Variants in NFIC observed in about 807,000 individuals in gnomAD.
NFIC encodes nuclear factor 1 C-type.
In NFIC, 12 loss-of-function variants were observed where a neutral mutation model predicts 54.4. That is an observed-to-expected ratio of 0.22 (90% CI 0.14 to 0.36). The LOEUF (loss-of-function observed/expected upper bound fraction) is 0.36, where lower values mean the gene tolerates loss of function less well. NFIC is among the 10% of genes least tolerant of loss of function. NFIC has a pLI of 1.00. For synonymous variants in NFIC, 322 were observed against 319.2 expected (o/e 1.01, Z -0.09); for missense variants, 575 against 718.2 (o/e 0.80, Z 2.28).
intron 2 of NFIC, among the ~76,000 whole-genome samples, chr19:3,424,705 GCTCAGAGAAGGCA>G (rs1246164277): frequency 6.6e-6 from 1 of 152,176 alleles, no homozygotes; most frequent in Non-Finnish European, 1.5e-5. Flanking sequence ...TACAGATGAG[GCTCAGAGAAGGCA>G]AGCGACTTGC....
chr19:3,405,255 G>A lies in NFIC; in HGVS notation c.563-19851G>A, dbSNP rs1034300509. On this transcript the variant is annotated intron_variant, in intron 2 of 10. Transcript: ENST00000443272. ...AGGCCAGCGTCCTGGAGGTCACCCC[G>A]TCCACGCCTCTGCCTCTCGGGCCCC... Among the ~76,000 whole-genome samples, 8 of 152,226 alleles carry A rather than the reference G, an allele frequency of 5.3e-5. No individual in the cohort carries two copies. In the South Asian group the frequency reaches 6.2e-4, roughly 12 times the overall value.
intron 1 of NFIC, among the ~76,000 whole-genome samples, chr19:3,367,405 G>GGC (rs1172338091): frequency 6.6e-6 from 1 of 152,170 alleles, no homozygotes; most frequent in Non-Finnish European, 1.5e-5. Flanking sequence ...CGGGAGGCCC[G>GGC]GCGCTCCGGG....
chr19:3,430,629 CT>C (rs2082104599), intron 3 of NFIC, among the ~76,000 whole-genome samples: 1 of 152,068 alleles, frequency 6.6e-6, no homozygotes, highest in Admixed American at 6.6e-5. Context: ...CTTCTTGTCT[CT>C]GTGGCTTGGC....
intron 6 of NFIC, among the ~76,000 whole-genome samples, chr19:3,445,162 TAC>T (rs57782501): frequency 0.072 from 10,843 of 151,538 alleles, 1,216 homozygotes; most frequent in African/African-American, 0.25. Flanking sequence ...CGTGCAGGCA[TAC>T]ACACATACAT....
chr19:3,381,169 G>A (rs900337265), intron 1 of NFIC, among the ~76,000 whole-genome samples: 3 of 152,004 alleles, frequency 2.0e-5, no homozygotes, highest in African/African-American at 4.8e-5. Context: ...GAGCCGAGGC[G>A]GGCGGATCAG....
chr19:3,435,090 C>G lies in NFIC; in HGVS notation c.841C>G (p.Arg281Gly), dbSNP rs766605518. ...CCTTCCCTCGCCCATAAGGAGCAAG[C>G]GGCACAAATCGGGCTCGATGGAGGA... ...LPSTSSSGSK[R>G]HKSGSMEEDV... Residue 281 changes from arginine to glycine, a missense_variant, in exon 6 of 11, where the codon CGG (arginine) becomes GGG (glycine). Arg to Gly is a moderately radical substitution (Grantham distance 125, BLOSUM62 -2). Coordinates refer to ENST00000443272, the MANE Select transcript of NFIC (RefSeq NM_001245002.2). 2 of 1,598,914 alleles carry G rather than the reference C, an allele frequency of 1.3e-6. No individual in the cohort carries two copies. The highest frequency in any genetic ancestry group is 1.7e-6 in the Non-Finnish European group (2 of 1,171,218).
chr19:3,361,516 G>T (rs571196669), intron 1 of NFIC, among the ~76,000 whole-genome samples: 118 of 136,074 alleles, frequency 8.7e-4, no homozygotes, highest in Admixed American at 2.4e-3. Flanking sequence ...CCCCCAGTGC[G>T]TTTGATATAA....
chr19:3,432,336 T>G (rs1446231142), intron 3 of NFIC, among the ~76,000 whole-genome samples: 1 of 152,164 alleles, frequency 6.6e-6, no homozygotes, highest in Non-Finnish European at 1.5e-5. Flanking sequence ...CCATTTTAAC[T>G]GACCCATTGC....
upstream of NFIC, among the ~76,000 whole-genome samples, chr19:3,365,790 C>T (rs2080871773): frequency 6.6e-6 from 1 of 152,146 alleles, no homozygotes. Flanking sequence ...CCTCCCCTGC[C>T]CCTTGGGTGC....
Position 3,467,781 on chromosome 19 carries a change from A to ATATATG in NFIC, c.*5017_*5018insGTATAT, listed in dbSNP as rs1555685972. The ATATATG allele has an allele frequency of 7.4e-6, 1 of 135,142 alleles. No individual in the cohort carries two copies. Among genetic ancestry groups the ATATATG allele is most frequent in the African/African-American group, 3.0e-5 (1 of 33,120 alleles). The allele number at this position is 135,142 out of a possible 1,614,324, so 8.4% of individuals were successfully genotyped here. The stretch of plus-strand genomic sequence containing the variant: ...TACATATATATATATATATATATAT[A>ATATATG]TATATATAATTTTGGAATTTGTTTC... On this transcript the variant is annotated 3_prime_UTR_variant, in exon 11 of 11. Coordinates refer to ENST00000443272, the MANE Select transcript of NFIC (RefSeq NM_001245002.2).
chr19:3,394,552 A>ATT, intron 2 of NFIC, among the ~76,000 whole-genome samples: 1 of 102,490 alleles, frequency 9.8e-6, no homozygotes, highest in Non-Finnish European at 1.8e-5. Context: ...TAAGTCTGAA[A>ATT]TTTGGACAGA....
In NFIC at chr19:3,459,449, T is replaced by C. The variant is rs1204144341; in HGVS notation, c.1509+2814T>C. ...ACGGGAACCCACGTAAGCAGCTGGG[T>C]AAACCGAGGGTGGGGGGCAAGGCGG... On this transcript the variant is annotated intron_variant, in intron 10 of 10. Transcript: ENST00000443272. The surrounding 1 kb of genome is among the most constrained non-coding windows in gnomAD (Gnocchi z 4.2). Among the ~76,000 whole-genome samples, 1 of 150,462 alleles carries C rather than the reference T, an allele frequency of 6.6e-6. No homozygotes were observed. Among genetic ancestry groups the C allele is most frequent in the Non-Finnish European group, 1.5e-5 (1 of 68,002 alleles).
rs1307599042 is a variant in NFIC at position 3,435,128 on chromosome 19, G to A, written c.879G>A (p.Thr293=). ...GCTCGATGGAGGAAGACGTGGACAC[G>A]AGCCCTGGCGGCGATTACTACACTT... ...KSGSMEEDVD[T]SPGGDYYTSP... Residue 293 remains threonine (T), a synonymous_variant, in exon 6 of 11, where the codon ACG becomes ACA. Transcript: ENST00000443272. 2.0e-5 allele frequency: 32 copies of A among 1,605,950 alleles called. No homozygotes were observed. Among genetic ancestry groups the A allele is most frequent in the Non-Finnish European group, 2.7e-5 (32 of 1,176,850 alleles).
At chr19:3,449,177 G>GCCCT in intron 7 of NFIC, 38 bp downstream of exon 7, 1 of 1,595,878 alleles carries the variant, frequency 6.3e-7, no homozygotes, top group Non-Finnish European at 8.5e-7. Flanking sequence ...GGGGCGGCGG[G>GCCCT]CCCTCCTATC....
chr19:3,366,458 C>A (rs955139108), upstream of NFIC: 1 of 494,810 alleles, frequency 2.0e-6, no homozygotes, highest in African/African-American at 2.2e-5. Context: ...GCGGGCGGCG[C>A]GAGAGAGGGA....
At position 3,452,390 on chromosome 19, in the gene NFIC, C is replaced by T; in HGVS notation, c.1085-92C>T. ...GTTACTAAACGCACTGAGATGCCGG[C>T]AGGAATGACACCCACAGACACACAG... On this transcript the variant is annotated intron_variant, in intron 7 of 10. Coordinates refer to ENST00000443272, the MANE Select transcript of NFIC (RefSeq NM_001245002.2). The surrounding 1 kb of genome is among the most constrained non-coding windows in gnomAD (Gnocchi z 5.3). The T allele has an allele frequency of 6.7e-7, 1 of 1,494,830 alleles. No individual in the cohort carries two copies. Among genetic ancestry groups the T allele is most frequent in the Non-Finnish European group, 9.1e-7 (1 of 1,098,310 alleles). 92.6% of individuals were successfully genotyped at this position (1,494,830 alleles called of 1,614,324 possible).
At chr19:3,367,446 C>T (rs1363573440) in intron 1 of NFIC, among the ~76,000 whole-genome samples, 1 of 151,722 alleles carries the variant, frequency 6.6e-6, no homozygotes, top group Non-Finnish European at 1.5e-5. Flanking sequence ...GCTGCGGACG[C>T]CCTCGCCAGC....
intron 3 of NFIC, among the ~76,000 whole-genome samples, chr19:3,426,709 C>T (rs930598797): frequency 4.6e-5 from 7 of 152,132 alleles, no homozygotes; most frequent in Non-Finnish European, 1.0e-4. Context: ...CCCCGTCGTC[C>T]ACTCCCAGCC....
chr19:3,379,673 CTTTTTTTTTT>C (rs370082450), intron 1 of NFIC, among the ~76,000 whole-genome samples: 18 of 102,514 alleles, frequency 1.8e-4, no homozygotes, highest in Admixed American at 3.2e-4. Flanking sequence ...TTATTTCTTT[CTTTTTTTTTT>C]TTTTTTTTTT....
Sources: gnomAD v4.1 joint callset for allele counts (sites outside exome capture counted in the v4.1 genomes callset) on GRCh38, gnomAD v4.1.1 for gene constraint, Gnocchi (gnomAD v3.1) non-coding constraint, MANE v1.5 for transcripts, NCBI Gene and HGNC (gene_info 2026-07-23, HGNC 2026-07-21) for gene names.